Variants in PLEKHA5 observed in about 807,000 individuals in gnomAD.
PLEKHA5 encodes pleckstrin homology domain-containing family A member 5.
A neutral mutation model predicts 181.9 loss-of-function variants in PLEKHA5; 55 were observed. The observed-to-expected ratio is 0.30, with a 90% CI of 0.24 to 0.38. The LOEUF (loss-of-function observed/expected upper bound fraction) is 0.38. Among genes scored for constraint, PLEKHA5 ranks in the 10% least tolerant of loss-of-function variants. PLEKHA5 has a pLI of 1.00. For synonymous variants in PLEKHA5, 535 were observed against 529.4 expected, an observed-to-expected ratio of 1.01 and a Z score of -0.15; for missense variants, 1,432 against 1,549.5, an observed-to-expected ratio of 0.92 and a Z score of 1.27.
intron 3 of PLEKHA5, chr12:19,176,202 C>G (rs566983359): frequency 3.3e-5 from 5 of 151,508 alleles, no homozygotes; most frequent in South Asian, 2.1e-4. Context: ...GTCCCCCCCC[C>G]ACCTTCCTCC....
At chr12:19,132,832 G>T (rs2034372097) in intron 3 of PLEKHA5, among the ~76,000 whole-genome samples, 2 of 108,908 alleles carry the variant, frequency 1.8e-5, no homozygotes, top group Admixed American at 1.2e-4. Flanking sequence ...GAGGATTATT[G>T]GTCATTAGCT....
intron 15 of PLEKHA5, among the ~76,000 whole-genome samples, chr12:19,302,524 T>C (rs537425183): frequency 3.5e-4 from 53 of 152,182 alleles, no homozygotes; most frequent in Middle Eastern, 3.4e-3. Context: ...GCCACCTGAG[T>C]AGCTAGGATT....
chr12:19,340,214 G>A (rs1336518147), intron 21 of PLEKHA5, among the ~76,000 whole-genome samples: 1 of 152,056 alleles, frequency 6.6e-6, no homozygotes, highest in African/African-American at 2.4e-5. Context: ...TTTTGATTTG[G>A]AGAAATAATC....
chr12:19,362,971 G>A (rs1402336835), intron 29 of PLEKHA5, among the ~76,000 whole-genome samples: 1 of 151,776 alleles, frequency 6.6e-6, no homozygotes, highest in Non-Finnish European at 1.5e-5. Flanking sequence ...ATAAGGGACT[G>A]GAGCATCTGC....
At chr12:19,345,980 AAT>A in intron 23 of PLEKHA5, 92 bp downstream of exon 23, 1 of 624,320 alleles carries the variant, frequency 1.6e-6, no homozygotes, top group South Asian at 2.0e-5. Context: ...TAATAACAAA[AAT>A]ATTTTTTAAA....
intron 3 of PLEKHA5, among the ~76,000 whole-genome samples, chr12:19,197,991 C>A (rs1262779637): frequency 6.6e-6 from 1 of 152,068 alleles, no homozygotes; most frequent in Non-Finnish European, 1.5e-5. Context: ...CAAAACGTAT[C>A]CCAAATCTGC....
intron 3 of PLEKHA5, among the ~76,000 whole-genome samples, chr12:19,196,435 C>A (rs1388166316): frequency 6.6e-6 from 1 of 152,030 alleles, no homozygotes; most frequent in African/African-American, 2.4e-5. Flanking sequence ...AACATAATTC[C>A]TGGTGTTATA....
At chr12:19,234,152 G>A (rs908681752) in intron 3 of PLEKHA5, among the ~76,000 whole-genome samples, 3 of 152,094 alleles carry the variant, frequency 2.0e-5, no homozygotes, top group African/African-American at 4.8e-5. Flanking sequence ...TTAGATTTGC[G>A]CTTTTATAAC....
intron 15 of PLEKHA5, among the ~76,000 whole-genome samples, chr12:19,306,181 G>T (rs568809829): frequency 7.9e-5 from 12 of 152,228 alleles, no homozygotes; most frequent in African/African-American, 2.9e-4. Flanking sequence ...TAAACATTTG[G>T]ACTTAGAAAT....
In PLEKHA5 at chr12:19,219,067, G is replaced by A. The variant is rs949374608; in HGVS notation, c.228-34873G>A. 8.6e-5 allele frequency among the ~76,000 whole-genome samples: 13 copies of A among 151,856 alleles called. 1 individual carries two copies. Among genetic ancestry groups the A allele is most frequent in the Admixed American group, 7.2e-4 (11 of 15,240 alleles). ...CTTGAACAACACAGATTTGAACTGC[G>A]CTGGTCCACTTATATGTGGATTTTT... On this transcript the variant is annotated intron_variant, in intron 3 of 31. Coordinates refer to ENST00000429027, the MANE Select transcript of PLEKHA5 (RefSeq NM_001256470.2).
chr12:19,173,912 C>A (rs1329890600), intron 3 of PLEKHA5, among the ~76,000 whole-genome samples: 4 of 152,128 alleles, frequency 2.6e-5, no homozygotes, highest in Admixed American at 2.6e-4. Flanking sequence ...GAGGTTTTTA[C>A]CTTTCAGGAC....
chr12:19,149,140 G>A (rs573820420), intron 3 of PLEKHA5, among the ~76,000 whole-genome samples: 1 of 152,054 alleles, frequency 6.6e-6, no homozygotes, highest in Non-Finnish European at 1.5e-5. Context: ...CATTAATGGA[G>A]ACAATTAATA....
intron 3 of PLEKHA5, among the ~76,000 whole-genome samples, chr12:19,230,524 G>C (rs1033564620): frequency 6.6e-6 from 1 of 152,206 alleles, no homozygotes; most frequent in Non-Finnish European, 1.5e-5. Context: ...GCTGAGGCCC[G>C]GCGAGAATTT....
intron 15 of PLEKHA5, among the ~76,000 whole-genome samples, chr12:19,311,442 C>A (rs1010868074): frequency 1.4e-5 from 2 of 146,602 alleles, no homozygotes; most frequent in South Asian, 4.3e-4. Flanking sequence ...AACTCTGTCT[C>A]GAAAAATTAA....
chr12:19,328,956 A>G (rs1362252693), intron 20 of PLEKHA5, among the ~76,000 whole-genome samples: 1 of 152,074 alleles, frequency 6.6e-6, no homozygotes. Flanking sequence ...TCTCAGTATG[A>G]TGTTGGCTGT....
At chr12:19,154,955 G>T (rs1346309953) in intron 3 of PLEKHA5, among the ~76,000 whole-genome samples, 1 of 152,122 alleles carries the variant, frequency 6.6e-6, no homozygotes, top group Non-Finnish European at 1.5e-5. Context: ...GTATGTGTCA[G>T]TATTAGGTCA....
intron 3 of PLEKHA5, among the ~76,000 whole-genome samples, chr12:19,251,354 C>T (rs1176073985): frequency 6.7e-6 from 1 of 149,280 alleles, no homozygotes; most frequent in Non-Finnish European, 1.5e-5. Context: ...TTGCAGTGAT[C>T]TGAGATTGCG....
At chr12:19,142,065 T>G (rs557991587) in intron 3 of PLEKHA5, among the ~76,000 whole-genome samples, 33 of 152,276 alleles carry the variant, frequency 2.2e-4, no homozygotes, top group South Asian at 2.1e-4. Context: ...AGTTGCATAT[T>G]ATTAAATGTT....
At chr12:19,219,721 A>T (rs186891354) in intron 3 of PLEKHA5, among the ~76,000 whole-genome samples, 141 of 152,010 alleles carry the variant, frequency 9.3e-4, no homozygotes, top group African/African-American at 3.3e-3. Context: ...GATTTTTCAG[A>T]GGGGAAGGTT....
Sources: gnomAD v4.1 joint callset for allele counts (sites outside exome capture counted in the v4.1 genomes callset) on GRCh38, gnomAD v4.1.1 for gene constraint, MANE v1.5 for transcripts, NCBI Gene and HGNC (gene_info 2026-07-23, HGNC 2026-07-21) for gene names.